The following IST1 variants were observed in gnomAD, a reference collection of about 807,000 sequenced individuals.
The protein encoded by IST1 is IST1 factor associated with ESCRT-III.
IST1 carries 23 observed loss-of-function variants against 37.0 expected under a neutral mutation model. That is an observed-to-expected ratio of 0.62 (90% CI 0.45 to 0.88). The LOEUF is 0.88. Ranked by LOEUF, IST1 falls within the 40% of genes least tolerant of loss-of-function variation. The probability of loss-of-function intolerance (pLI) is 0.00; values close to 1 mark genes in which losing one functional copy is unlikely to be tolerated. For missense variants in IST1, 488 were observed against 445.4 expected, an observed-to-expected ratio of 1.10 and a Z score of -0.86; for synonymous variants, 180 against 161.7, an observed-to-expected ratio of 1.11 and a Z score of -0.86.
At chr16:71,908,351 G>A (rs556258131) in intron 1 of IST1, among the ~76,000 whole-genome samples, 2 of 135,194 alleles carry the variant, frequency 1.5e-5, no homozygotes, top group African/African-American at 5.3e-5. Context: ...CCAGGCTGGA[G>A]TGCAATGGCA....
Position 71,922,675 on chromosome 16 carries a change from G to C in IST1, c.754G>C (p.Gly252Arg). The C allele has an allele frequency of 6.3e-7, 1 of 1,581,190 alleles. No individual in the cohort carries two copies. Among genetic ancestry groups the C allele is most frequent in the Non-Finnish European group, 8.6e-7 (1 of 1,166,798 alleles). The change falls in exon 7 of 10, where the codon GGA becomes CGA. Residue 252 changes from glycine to arginine, a missense_variant. By Grantham distance (125) the Gly-to-Arg change is moderately radical. Transcript: ENST00000378799. ...NTPFSYPLPK[G>R]PSDFNGLPMG... Reference sequence around the variant, plus strand: ...GCCTTTCTCATATCCACTGCCAAAGGGACCAGTAAGTATATATAAGTGTGG... The same window carrying C: ...GCCTTTCTCATATCCACTGCCAAAGCGACCAGTAAGTATATATAAGTGTGG...
chr16:71,897,813 G>A (rs888495956), intron 1 of IST1, among the ~76,000 whole-genome samples: 107 of 152,140 alleles, frequency 7.0e-4, no homozygotes, highest in Middle Eastern at 3.4e-3. Context: ...AGGAGTGTTG[G>A]TGTGGCCTGT....
chr16:71,916,056 C>T (rs2037459867), intron 2 of IST1, among the ~76,000 whole-genome samples: 1 of 152,078 alleles, frequency 6.6e-6, no homozygotes, highest in Non-Finnish European at 1.5e-5. Flanking sequence ...GTCTTGCACT[C>T]ATGACCTCAA....
chr16:71,896,445 G>A (rs1311654963), intron 1 of IST1, among the ~76,000 whole-genome samples: 2 of 151,984 alleles, frequency 1.3e-5, no homozygotes. Flanking sequence ...AAGCAGACAG[G>A]AGTATAATGA....
intron 1 of IST1, among the ~76,000 whole-genome samples, chr16:71,911,007 A>C (rs2037342028): frequency 6.6e-6 from 1 of 152,162 alleles, no homozygotes; most frequent in African/African-American, 2.4e-5. Context: ...TGGGAGGCTG[A>C]GGTGGGTGGA....
chr16:71,922,081 G>A (rs1014368946), intron 6 of IST1, among the ~76,000 whole-genome samples: 1 of 152,098 alleles, frequency 6.6e-6, no homozygotes, highest in Non-Finnish European at 1.5e-5. Flanking sequence ...AAGAGCTTGT[G>A]GTGAGCCAAG....
intron 1 of IST1, among the ~76,000 whole-genome samples, chr16:71,896,586 C>T (rs890731750): frequency 6.6e-6 from 1 of 151,974 alleles, no homozygotes; most frequent in Admixed American, 6.6e-5. Flanking sequence ...TCTCCTTTCC[C>T]AGTAGAAGCC....
chr16:71,899,381 C>A (rs891905062), intron 1 of IST1, among the ~76,000 whole-genome samples: 1 of 151,312 alleles, frequency 6.6e-6, no homozygotes, highest in Non-Finnish European at 1.5e-5. Context: ...AGTTGGGAGA[C>A]CAGCCTGGGC....
rs1192563966 is a variant in IST1 at position 71,929,321 on chromosome 16, TTGC to T, written c.*1513_*1515del. ...GGCCATGGGTGGTGAGTTCTGTTAC[TTGC>T]TGCTTGGCAGCAGAGCTAGTTTGTC... On this transcript the variant is annotated 3_prime_UTR_variant, in exon 10 of 10. Coordinates refer to ENST00000378799, the MANE Select transcript of IST1 (RefSeq NM_001270975.2). The T allele has an allele frequency of 9.2e-6, 4 of 433,230 alleles. No individual in the cohort carries two copies. The highest frequency in any genetic ancestry group is 2.0e-5 in the African/African-American group (1 of 49,784). 26.8% of individuals were successfully genotyped at this position (433,230 alleles called of 1,614,324 possible). A position where few individuals can be genotyped will look rare whatever the true frequency, so the allele number is the denominator to read the frequency against.
intron 9 of IST1, among the ~76,000 whole-genome samples, chr16:71,926,882 A>G (rs2037757124): frequency 6.6e-6 from 1 of 152,174 alleles, no homozygotes; most frequent in South Asian, 2.1e-4. Flanking sequence ...GAAGACTGGA[A>G]ATACAGATCA....
chr16:71,927,501 A>C (rs1454567818), intron 9 of IST1, 113 bp from the exon 10 acceptor site: 7 of 797,510 alleles, frequency 8.8e-6, no homozygotes, highest in Non-Finnish European at 1.4e-5. Context: ...AAAAAAAAAA[A>C]AGTTTGTGAA....
chr16:71,920,845 A>G (rs1369644578), intron 5 of IST1, 23 bp downstream of exon 5: 2 of 1,543,436 alleles, frequency 1.3e-6, no homozygotes, highest in South Asian at 1.1e-5. Flanking sequence ...CTTGGTAAAC[A>G]TGAAGGCAGT....
chr16:71,894,739 G>C, upstream of IST1: 1 of 662,496 alleles, frequency 1.5e-6, no homozygotes, highest in Non-Finnish European at 2.5e-6. Context: ...TTTCACTATG[G>C]TGTCCAGGCT....
At chr16:71,912,041 GTGC>G (rs896298904) in intron 1 of IST1, among the ~76,000 whole-genome samples, 2 of 151,856 alleles carry the variant, frequency 1.3e-5, no homozygotes, top group African/African-American at 4.8e-5. Context: ...TTGAGAGGTG[GTGC>G]CAATTTACGT....
At chr16:71,910,528 C>T (rs1415791810) in intron 1 of IST1, among the ~76,000 whole-genome samples, 3 of 151,514 alleles carry the variant, frequency 2.0e-5, no homozygotes, top group African/African-American at 7.3e-5. Flanking sequence ...ATGGCGTGAA[C>T]CTGGGAGGCG....
At chr16:71,915,834 TTTG>T in intron 2 of IST1, 106 bp downstream of exon 2, 2 of 653,336 alleles carry the variant, frequency 3.1e-6, no homozygotes, top group Admixed American at 3.0e-5. Context: ...CATATTTTTT[TTTG>T]TTGTTTTTGT....
At chr16:71,910,993 AC>A (rs774462724) in intron 1 of IST1, among the ~76,000 whole-genome samples, 8 of 152,138 alleles carry the variant, frequency 5.3e-5, no homozygotes, top group African/African-American at 1.4e-4. Flanking sequence ...AACAAAAAAA[AC>A]ATTGGGAGGC....
At chr16:71,906,835 A>C (rs1214884619) in intron 1 of IST1, among the ~76,000 whole-genome samples, 1 of 152,028 alleles carries the variant, frequency 6.6e-6, no homozygotes, top group East Asian at 1.9e-4. Flanking sequence ...CCTTGTAGGT[A>C]ATGCATCGTT....
Position 71,908,403 on chromosome 16 carries a change from G to C in IST1, c.-15-7223G>C, listed in dbSNP as rs9925441. 3.5e-5 allele frequency among the ~76,000 whole-genome samples: 5 copies of C among 144,614 alleles called. 1 individual carries two copies. Among genetic ancestry groups the C allele is most frequent in the African/African-American group, 1.3e-4 (5 of 39,012 alleles). 94.9% of individuals were successfully genotyped at this position (144,614 alleles called of 152,430 possible). A position where few individuals can be genotyped will look rare whatever the true frequency, so the allele number is the denominator to read the frequency against. ...CAACCTCCGCCTCCCCAGTTCAAGC[G>C]ATTCTCCTGCCTCAGCCCCTTGAGT... is the stretch of plus-strand genomic sequence containing the variant. On this transcript the variant is annotated intron_variant, in intron 1 of 9. Coordinates refer to ENST00000378799, the MANE Select transcript of IST1 (RefSeq NM_001270975.2).
Sources: gnomAD v4.1 joint callset for allele counts (sites outside exome capture counted in the v4.1 genomes callset) on GRCh38, gnomAD v4.1.1 for gene constraint, MANE v1.5 for transcripts, NCBI Gene and HGNC (gene_info 2026-07-23, HGNC 2026-07-21) for gene names.